CEP350: variants seen among roughly 807,000 people sequenced by gnomAD.
The protein encoded by CEP350 is centrosome-associated protein 350.
In CEP350, 126 loss-of-function variants were observed where a neutral mutation model predicts 331.8. The ratio of observed to expected loss-of-function variants is 0.38; its 90% confidence interval spans 0.33 to 0.44. The LOEUF is 0.44. CEP350 is among the 20% of genes least tolerant of loss of function. CEP350 has a pLI of 1.00. For synonymous variants in CEP350, 1,200 were observed against 1,259.5 expected (o/e 0.95, Z 1.00); for missense variants, 3,406 against 3,634.6 (o/e 0.94, Z 1.62).
intron 1 of CEP350, among the ~76,000 whole-genome samples, chr1:179,956,514 T>C (rs1012055446): frequency 6.6e-6 from 1 of 152,226 alleles, no homozygotes; most frequent in Non-Finnish European, 1.5e-5. Context: ...GCCAACCTTC[T>C]GTGGGGCAAT....
Position 179,968,917 on chromosome 1 carries a change from G to A in CEP350, c.-14+13775G>A, listed in dbSNP as rs796582468. ...TGGCCAGAAGGCTGTGTTGAAGTTT[G>A]CTGCTGCCACTGGAGCCACTCCAAT... is the stretch of plus-strand genomic sequence containing the variant. On this transcript the variant is annotated intron_variant, in intron 1 of 37. Transcript: ENST00000367607. 7.9e-6 allele frequency: 6 copies of A among 757,034 alleles called. No individual in the cohort carries two copies. The African/African-American group carries it at 8.5e-5, about 11-fold the overall frequency. 46.9% of individuals were successfully genotyped at this position (757,034 alleles called of 1,614,324 possible).
intron 1 of CEP350, among the ~76,000 whole-genome samples, chr1:179,956,164 G>T (rs1035584346): frequency 1.3e-5 from 2 of 152,168 alleles, no homozygotes; most frequent in Non-Finnish European, 2.9e-5. Flanking sequence ...GACCCATGCT[G>T]GAAGTTGCTT....
chr1:180,016,020 G>T, intron 11 of CEP350, 50 bp downstream of exon 11: 3 of 1,605,918 alleles, frequency 1.9e-6, no homozygotes, highest in Non-Finnish European at 2.6e-6. Context: ...ATGAAATTTA[G>T]CGGAGTGGTC....
At chr1:180,099,602 A>G (rs1660675372) in intron 37 of CEP350, among the ~76,000 whole-genome samples, 1 of 152,174 alleles carries the variant, frequency 6.6e-6, no homozygotes. Flanking sequence ...CACTCTAAAC[A>G]TTTTAATTCT....
chr1:179,970,359 A>G lies in CEP350; in HGVS notation c.-14+15217A>G, dbSNP rs187848096. Among the ~76,000 whole-genome samples, 116 of 152,306 alleles carry G rather than the reference A, an allele frequency of 7.6e-4. 1 individual carries two copies. Among genetic ancestry groups the G allele is most frequent in the African/African-American group, 2.8e-3 (115 of 41,558 alleles). On this transcript the variant is annotated intron_variant, in intron 1 of 37. Transcript: ENST00000367607. Reference sequence around the variant, plus strand: ...AATTCTCAGATTAGTGGTATATTAGAATATGTTATAGGACTGTTGGTTATT... The same window carrying G: ...AATTCTCAGATTAGTGGTATATTAGGATATGTTATAGGACTGTTGGTTATT...
chr1:180,078,935 T>C (rs1659402815), intron 29 of CEP350, among the ~76,000 whole-genome samples: 1 of 152,158 alleles, frequency 6.6e-6, no homozygotes, highest in South Asian at 2.1e-4. Context: ...TGAAAAACAG[T>C]TTGTAGGAAC....
chr1:180,107,598 G>A (rs1661215008), intron 37 of CEP350, among the ~76,000 whole-genome samples: 1 of 152,208 alleles, frequency 6.6e-6, no homozygotes, highest in Non-Finnish European at 1.5e-5. Flanking sequence ...AACCCGGGAG[G>A]TGGAGGTTGC....
At chr1:180,050,245 A>G (rs549624205) in intron 22 of CEP350, among the ~76,000 whole-genome samples, 237 of 152,364 alleles carry the variant, frequency 1.6e-3, no homozygotes, top group African/African-American at 5.5e-3. Context: ...TCAGAATTTT[A>G]AAACTTCTAT....
In CEP350 at chr1:180,075,132, A is replaced by C. The variant is rs758466374; in HGVS notation, c.5678A>C (p.Glu1893Ala). The C allele has an allele frequency of 6.8e-6, 11 of 1,613,714 alleles. No individual in the cohort carries two copies. The highest frequency in any genetic ancestry group is 9.3e-6 in the Non-Finnish European group (11 of 1,179,772). Residue 1893 changes from glutamate (E) to alanine (A), a missense_variant, in exon 28 of 38, where the codon GAA (glutamate) becomes GCA (alanine). Transcript: ENST00000367607. ...DAEEAEIRQMEKQALAAWDKE... is the reference protein window; with the variant it reads ...DAEEAEIRQMAKQALAAWDKE... Reference sequence around the variant, plus strand: ...GAAGAAGCAGAAATTCGTCAAATGGAAAAACAAGCTTTGGCTGCCTGGGAC... The same window carrying C: ...GAAGAAGCAGAAATTCGTCAAATGGCAAAACAAGCTTTGGCTGCCTGGGAC...
intron 5 of CEP350, among the ~76,000 whole-genome samples, chr1:179,995,601 CT>C (rs749006316): frequency 4.6e-5 from 7 of 152,132 alleles, no homozygotes; most frequent in Non-Finnish European, 1.0e-4. Context: ...GAGAATCCTT[CT>C]CAAAAATCAA....
Position 179,967,497 on chromosome 1 carries a change from C to T in CEP350, c.-14+12355C>T, listed in dbSNP as rs546668206. Among the ~76,000 whole-genome samples the T allele has an allele frequency of 4.6e-4, 70 of 152,220 alleles. 1 individual carries two copies. The South Asian group carries it at 5.6e-3, about 12-fold the overall frequency. On this transcript the variant is annotated intron_variant, in intron 1 of 37. Transcript: ENST00000367607. ...CGTGATCTTGGCTCACTGCAACCTCCGCCTTCCGGGTTCAAGCAGTTCTCC... is the reference window on the plus strand; with the variant it reads ...CGTGATCTTGGCTCACTGCAACCTCTGCCTTCCGGGTTCAAGCAGTTCTCC...
chr1:180,040,416 C>G (rs1322256717), intron 17 of CEP350, among the ~76,000 whole-genome samples: 1 of 152,048 alleles, frequency 6.6e-6, no homozygotes, highest in African/African-American at 2.4e-5. Context: ...TTACATACAG[C>G]CTTACCACCA....
At chr1:180,027,003 A>G (rs1204119909) in intron 14 of CEP350, among the ~76,000 whole-genome samples, 3 of 152,230 alleles carry the variant, frequency 2.0e-5, no homozygotes, top group South Asian at 2.1e-4. Flanking sequence ...TGGTAATGCC[A>G]TGTTTAATTT....
Position 180,111,305 on chromosome 1 carries a change from AC to A in CEP350, c.*145del. The A allele has an allele frequency of 2.2e-6, 2 of 910,888 alleles. No homozygotes were observed. Among genetic ancestry groups the A allele is most frequent in the Non-Finnish European group, 3.3e-6 (2 of 615,320 alleles). 56.4% of individuals were successfully genotyped at this position (910,888 alleles called of 1,614,324 possible). On this transcript the variant is annotated 3_prime_UTR_variant, in exon 38 of 38. Transcript: ENST00000367607. ...AGACTACCAGTATGGAGTTCATAGG[AC>A]AATGTGGTACACCTGGTATTACAGC...
intron 5 of CEP350, among the ~76,000 whole-genome samples, chr1:179,994,693 A>G (rs1653349154): frequency 6.6e-6 from 1 of 151,958 alleles, no homozygotes; most frequent in Non-Finnish European, 1.5e-5. Context: ...GGCTCAAGCA[A>G]TCTGCCCACC....
At chr1:180,080,769 T>C in intron 30 of CEP350, 108 bp downstream of exon 30, 2 of 903,620 alleles carry the variant, frequency 2.2e-6, no homozygotes, top group Admixed American at 3.8e-5. Context: ...AGACAGACAG[T>C]GGTGAGTTTA....
At chr1:179,969,010 G>A (rs976529775) in intron 1 of CEP350, 8 of 754,122 alleles carry the variant, frequency 1.1e-5, no homozygotes, top group Admixed American at 1.7e-5. Flanking sequence ...GCCATGGCTT[G>A]TGGTGGTTTG....
intron 14 of CEP350, 90 bp downstream of exon 14, chr1:180,024,672 G>T: frequency 7.4e-7 from 1 of 1,358,226 alleles, no homozygotes; most frequent in Non-Finnish European, 9.7e-7. Flanking sequence ...TAAGAAGTTA[G>T]AAGAATTTCT....
At chr1:180,067,619 G>T (rs142677655) in intron 27 of CEP350, among the ~76,000 whole-genome samples, 2,416 of 152,296 alleles carry the variant, frequency 0.016, 54 homozygotes, top group South Asian at 0.071. Context: ...AACCTGGGAG[G>T]GGGAGGTTGC....
Sources: allele counts gnomAD v4.1 joint callset (sites outside exome capture counted in the v4.1 genomes callset), GRCh38; gene constraint gnomAD v4.1.1; transcripts MANE v1.5; gene names NCBI Gene and HGNC (gene_info 2026-07-23, HGNC 2026-07-21).